Variants in UBR3 observed in about 807,000 individuals in gnomAD.
The protein encoded by UBR3 is E3 ubiquitin-protein ligase UBR3.
Under a neutral mutation model 243.2 loss-of-function variants are expected in UBR3, and 85 were observed. That is an observed-to-expected ratio of 0.35 (90% CI 0.29 to 0.42). The LOEUF (loss-of-function observed/expected upper bound fraction) is 0.42, where lower values mean the gene tolerates loss of function less well. UBR3 is among the 10% of genes least tolerant of loss of function. The pLI is 1.00. For missense variants in UBR3, 1,686 were observed against 2,300.8 expected (o/e 0.73, Z 5.47); for synonymous variants, 748 against 799.8 (o/e 0.94, Z 1.09).
At chr2:169,884,056 C>T (rs954880299) in intron 5 of UBR3, among the ~76,000 whole-genome samples, 3 of 151,860 alleles carry the variant, frequency 2.0e-5, no homozygotes, top group Non-Finnish European at 2.9e-5. Context: ...TGGTCTTGAA[C>T]TCCTGACCTC....
intron 10 of UBR3, among the ~76,000 whole-genome samples, chr2:169,911,561 G>A (rs2085255193): frequency 6.6e-6 from 1 of 152,102 alleles, no homozygotes; most frequent in African/African-American, 2.4e-5. Context: ...GGTGGTAGTA[G>A]TGGGAAAATA....
chr2:169,850,171 CTTTTTTTTTT>C (rs56133731), intron 1 of UBR3, among the ~76,000 whole-genome samples: 1 of 57,276 alleles, frequency 1.7e-5, no homozygotes, highest in African/African-American at 6.8e-5. Context: ...TGTTCTAGAG[CTTTTTTTTTT>C]TTTTTTTTTT....
Position 169,878,518 on chromosome 2 carries a change from TC to T in UBR3, c.989-5del, listed in dbSNP as rs1034357023. ...TGAAGGACAACTATTTTTCTTCTCC[TC>T]CAAAGGTTTCATAGGCGCAACAGGA... On this transcript the variant is annotated splice_region_variant and splice_polypyrimidine_tract_variant and intron_variant, in intron 4 of 38. Coordinates refer to ENST00000272793, the MANE Select transcript of UBR3 (RefSeq NM_172070.4). The T allele has an allele frequency of 1.4e-5, 21 of 1,550,720 alleles. No individual in the cohort carries two copies. In the African/African-American group the frequency reaches 2.1e-4, roughly 15 times the overall value.
At chr2:169,883,513 A>T (rs1051751059) in intron 5 of UBR3, among the ~76,000 whole-genome samples, 2 of 152,218 alleles carry the variant, frequency 1.3e-5, no homozygotes, top group African/African-American at 2.4e-5. Flanking sequence ...CCACCTCTTG[A>T]TGGGAAGAAT....
chr2:170,066,989 A>ATAG (rs1553543362), intron 35 of UBR3, among the ~76,000 whole-genome samples: 3 of 149,614 alleles, frequency 2.0e-5, no homozygotes, highest in Non-Finnish European at 4.4e-5. Flanking sequence ...AATAATAATA[A>ATAG]TAATAAACTT....
At chr2:170,058,318 C>T (rs72876444) in intron 33 of UBR3, among the ~76,000 whole-genome samples, 9,841 of 151,924 alleles carry the variant, frequency 0.065, 438 homozygotes, top group Non-Finnish European at 0.1. Flanking sequence ...GTAAAAATAT[C>T]GGTATTATAT....
At chr2:169,836,063 ATATATTTT>A (rs1313110260) in intron 1 of UBR3, among the ~76,000 whole-genome samples, 284 of 26,608 alleles carry the variant, frequency 0.011, 15 homozygotes, top group Non-Finnish European at 0.014. Context: ...ATATATATAT[ATATATTTT>A]TTTTTTTTTT....
chr2:169,990,716 TACACAC>T (rs147119929), intron 25 of UBR3, among the ~76,000 whole-genome samples: 33 of 142,078 alleles, frequency 2.3e-4, no homozygotes, highest in East Asian at 1.8e-3. Flanking sequence ...AAAAAAGTTA[TACACAC>T]ACACACACAC....
chr2:169,998,542 A>G (rs1003646808), intron 26 of UBR3, among the ~76,000 whole-genome samples: 1 of 152,194 alleles, frequency 6.6e-6, no homozygotes, highest in Non-Finnish European at 1.5e-5. Flanking sequence ...TTCAGGGGCT[A>G]GCACATGCTA....
intron 1 of UBR3, among the ~76,000 whole-genome samples, chr2:169,855,779 CTCTT>C (rs1006289573): frequency 4.6e-5 from 7 of 152,348 alleles, no homozygotes; most frequent in Non-Finnish European, 7.3e-5. Context: ...AATCCGATCT[CTCTT>C]TCTTTTCCCC....
chr2:169,917,594 A>G (rs928212892), intron 11 of UBR3, among the ~76,000 whole-genome samples: 1 of 151,320 alleles, frequency 6.6e-6, no homozygotes, highest in Non-Finnish European at 1.5e-5. Flanking sequence ...TTTTTCACAC[A>G]GAAATATTTT....
intron 35 of UBR3, among the ~76,000 whole-genome samples, chr2:170,063,175 T>C (rs1019075279): frequency 6.6e-6 from 1 of 151,920 alleles, no homozygotes; most frequent in African/African-American, 2.4e-5. Context: ...AGAGATAAAA[T>C]AGGATGTGAC....
intron 37 of UBR3, 59 bp from the exon 38 acceptor site, chr2:170,080,486 G>A (rs1330305345): frequency 4.8e-6 from 7 of 1,456,000 alleles, no homozygotes; most frequent in Non-Finnish European, 6.4e-6. Flanking sequence ...ATATATTCTT[G>A]ATTTTATTAT....
intron 30 of UBR3, among the ~76,000 whole-genome samples, chr2:170,028,988 G>C (rs1412956217): frequency 6.6e-6 from 1 of 151,908 alleles, no homozygotes. Flanking sequence ...CCAGGGTAGA[G>C]GATTGAAGAT....
At chr2:169,892,470 G>A (rs6709918) in intron 6 of UBR3, among the ~76,000 whole-genome samples, 8,706 of 152,214 alleles carry the variant, frequency 0.057, 465 homozygotes, top group African/African-American at 0.14. Context: ...GCAGACTTAA[G>A]TTAAAGTGTT....
At chr2:169,920,466 T>TAGTA (rs1016461094) in intron 11 of UBR3, among the ~76,000 whole-genome samples, 17 of 6,494 alleles carry the variant, frequency 2.6e-3, no homozygotes, top group Non-Finnish European at 0.023. Flanking sequence ...TAAAGTATAA[T>TAGTA]AATAAAGTAA....
intron 30 of UBR3, among the ~76,000 whole-genome samples, chr2:170,021,021 G>T (rs1464854223): frequency 3.9e-5 from 6 of 152,068 alleles, no homozygotes; most frequent in Non-Finnish European, 8.8e-5. Context: ...GTTTGAGATA[G>T]GTGAGGAGTT....
At position 169,912,300 on chromosome 2, in the gene UBR3, C is replaced by G. The variant is rs191776384; in HGVS notation, c.1780-1760C>G. 2.7e-4 allele frequency among the ~76,000 whole-genome samples: 41 copies of G among 152,274 alleles called. 1 individual carries two copies. In the Middle Eastern group the frequency reaches 0.01, roughly 38 times the overall value. On this transcript the variant is annotated intron_variant, in intron 10 of 38. Transcript: ENST00000272793. Reference sequence around the variant, plus strand: ...TATAGTGTATTCACAAAGTTTACCACTACTACCACTATCTAATTCCAGAGT... The same window carrying G: ...TATAGTGTATTCACAAAGTTTACCAGTACTACCACTATCTAATTCCAGAGT...
chr2:169,926,776 G>A (rs763708664), intron 15 of UBR3, 32 bp downstream of exon 15: 2 of 1,544,956 alleles, frequency 1.3e-6, no homozygotes, highest in Admixed American at 2.0e-5. Context: ...CAGGTATTAG[G>A]AAGTGTCCAG....
Sources: allele counts gnomAD v4.1 joint callset (sites outside exome capture counted in the v4.1 genomes callset), GRCh38; gene constraint gnomAD v4.1.1; transcripts MANE v1.5; gene names NCBI Gene and HGNC (gene_info 2026-07-23, HGNC 2026-07-21).